Variants in NOC4L observed in about 807,000 individuals in gnomAD.
The protein encoded by NOC4L is nucleolar complex protein 4 homolog.
NOC4L carries 40 observed loss-of-function variants against 62.8 expected under a neutral mutation model. The ratio of observed to expected loss-of-function variants is 0.64; its 90% CI spans 0.49 to 0.83. NOC4L has a LOEUF of 0.83. NOC4L is among the 40% of genes least tolerant of loss of function. NOC4L has a pLI of 0.00. For missense variants in NOC4L, 927 were observed against 701.9 expected (o/e 1.32, Z -3.62); for synonymous variants, 433 against 299.8 (o/e 1.44, Z -4.59).
intron 5 of NOC4L, 22 bp from the exon 6 acceptor site, chr12:132,147,858 G>A (rs772671540): frequency 6.2e-7 from 1 of 1,609,690 alleles, no homozygotes; most frequent in Non-Finnish European, 8.5e-7. Flanking sequence ...CGGCGTCCAG[G>A]CACTCAGGCC....
At position 132,152,318 on chromosome 12, in the gene NOC4L, C is replaced by G. The variant is rs778357766; in HGVS notation, c.1468C>G (p.Pro490Ala). 1 of 1,563,588 alleles carries G rather than the reference C, an allele frequency of 6.4e-7. No homozygotes were observed. Among genetic ancestry groups the G allele is most frequent in the African/African-American group, 1.4e-5 (1 of 73,448 alleles). The change falls in exon 15 of 15, where the codon CCG becomes GCG. Residue 490 changes from proline to alanine, a missense_variant. Transcript: ENST00000330579. ...ERDLKKKGPE[P>A]VPLEFIPAQG... ...GGACCTGAAGAAGAAGGGGCCCGAG[C>G]CGGTGCCACTGGAGTTTATCCCAGC...
intron 10 of NOC4L, 66 bp from the exon 11 acceptor site, chr12:132,151,192 C>T: frequency 6.8e-6 from 10 of 1,476,936 alleles, no homozygotes; most frequent in Non-Finnish European, 7.6e-6. Context: ...CGAGTGAGAC[C>T]CTGGCCTTGG....
intron 3 of NOC4L, chr12:132,146,363 C>T (rs1302840087): frequency 8.8e-6 from 4 of 454,722 alleles, no homozygotes; most frequent in Non-Finnish European, 1.8e-5. Context: ...CGTTCAGCCG[C>T]TCGTAGGTTG....
intron 7 of NOC4L, 150 bp from the exon 8 acceptor site, chr12:132,148,459 T>G (rs1410500294): frequency 3.1e-5 from 27 of 866,918 alleles, no homozygotes; most frequent in Non-Finnish European, 4.1e-5. Context: ...GTACCTGACT[T>G]GAATGGGGAC....
intron 7 of NOC4L, 150 bp downstream of exon 7, chr12:132,148,256 G>T: frequency 1.2e-6 from 1 of 822,796 alleles, no homozygotes; most frequent in Non-Finnish European, 1.9e-6. Flanking sequence ...GTCACTCGAA[G>T]TGTGGGAGGT....
intron 10 of NOC4L, 42 bp downstream of exon 10, chr12:132,151,083 C>A: frequency 1.3e-6 from 2 of 1,562,300 alleles, no homozygotes; most frequent in Admixed American, 1.7e-5. Context: ...CCAGTCTGCC[C>A]AGCCCTGCTC....
rs572231341 is a variant in NOC4L, at chr12:132,144,726, G to C, written c.117+121G>C. ...GCGTTGGGGGGTCAGGGTGGGAGGC[G>C]TGTGGGTCACGGGTCGGGGGTGACG... On this transcript the variant is annotated intron_variant, in intron 1 of 14. Transcript: ENST00000330579. The C allele has an allele frequency of 4.1e-5, 59 of 1,456,676 alleles. No homozygotes were observed. The East Asian group carries it at 1.1e-3, about 28-fold the overall frequency. 90.2% of individuals were successfully genotyped at this position (1,456,676 alleles called of 1,614,324 possible).
Position 132,144,886 on chromosome 12 carries a change from C to G in NOC4L, c.150C>G (p.Val50=). 2.5e-6 allele frequency: 4 copies of G among 1,602,464 alleles called. No homozygotes were observed. The highest frequency in any genetic ancestry group is 3.4e-6 in the Non-Finnish European group (4 of 1,175,988). Residue 50 remains valine (V), a synonymous_variant, in exon 2 of 15, where the codon GTC becomes GTG. Coordinates refer to ENST00000330579, the MANE Select transcript of NOC4L (RefSeq NM_024078.3). ...ACCAGGAGGAGATCCAGGAAGCAGTCCGCACGTGCAGCCGTCTTTTCGGGG... is the reference window on the plus strand; with the variant it reads ...ACCAGGAGGAGATCCAGGAAGCAGTGCGCACGTGCAGCCGTCTTTTCGGGG... The part of the protein sequence containing the change: ...SEDQEEIQEA[V]RTCSRLFGAL...
At position 132,152,205 on chromosome 12, in the gene NOC4L, A is replaced by ACTGGGCCAGGGTGCGAGGGT; in HGVS notation, c.1431+17_1431+36dup. The ACTGGGCCAGGGTGCGAGGGT allele has an allele frequency of 6.2e-7, 1 of 1,610,770 alleles. No homozygotes were observed. The highest frequency in any genetic ancestry group is 8.5e-7 in the Non-Finnish European group (1 of 1,179,228). On this transcript the variant is annotated intron_variant, in intron 14 of 14. Coordinates refer to ENST00000330579, the MANE Select transcript of NOC4L (RefSeq NM_024078.3). ...GAGCTCACGGCCTACGAGGTGCGGA[A>ACTGGGCCAGGGTGCGAGGGT]CTGGGCCAGGGTGCGAGGGTCTGGG... is the stretch of plus-strand genomic sequence containing the variant.
chr12:132,151,224 G>A (rs772672713), intron 10 of NOC4L, 34 bp from the exon 11 acceptor site: 2 of 1,574,598 alleles, frequency 1.3e-6, no homozygotes, highest in Admixed American at 3.3e-5. Flanking sequence ...CCCGGGCCCT[G>A]CTCCATCCGC....
chr12:132,151,033 A>G lies in NOC4L; in HGVS notation c.954A>G (p.Lys318=). The change falls in exon 10 of 15, where the codon AAA becomes AAG. Residue 318 remains lysine (K), a synonymous_variant. Transcript: ENST00000330579. Reference sequence around the variant, plus strand: ...ACGGGCTGTTCATCTTGATTCACAAACACAACCTGTGAGTGTCACCAGGGG... The same window carrying G: ...ACGGGCTGTTCATCTTGATTCACAAGCACAACCTGTGAGTGTCACCAGGGG... ...ALNGLFILIH[K]HNLEYPDFYR... is the part of the protein sequence containing the mutation. 1.2e-6 allele frequency: 2 copies of G among 1,610,936 alleles called. No homozygotes were observed. The highest frequency in any genetic ancestry group is 2.2e-5 in the South Asian group (2 of 90,818).
At chr12:132,151,453 G>A in intron 11 of NOC4L, 31 bp from the exon 12 acceptor site, 1 of 1,599,872 alleles carries the variant, frequency 6.3e-7, no homozygotes, top group Non-Finnish European at 8.5e-7. Context: ...TAGCAGTCCG[G>A]GCCCTGTCTC....
chr12:132,147,950 C>T lies in NOC4L; in HGVS notation c.674C>T (p.Thr225Ile). The T allele has an allele frequency of 6.2e-7, 1 of 1,609,064 alleles. No homozygotes were observed. The highest frequency in any genetic ancestry group is 1.7e-5 in the Admixed American group (1 of 59,346). The change falls in exon 6 of 15, where the codon ACC becomes ATC. Residue 225 changes from threonine (T) to isoleucine (I), a missense_variant. Physicochemically the swap from Thr to Ile is moderately conservative, Grantham distance 89. Coordinates refer to ENST00000330579, the MANE Select transcript of NOC4L (RefSeq NM_024078.3). ...GTGAGCCTGCCCCGCCGGGAGCCCA[C>T]CGTCTCCAGCTTCTATGTGAAGCGG... Reference protein sequence around the residue: ...SAVSLPRREPTVSSFYVKRAE... With the variant: ...SAVSLPRREPIVSSFYVKRAE...
In NOC4L at chr12:132,152,454, A is replaced by C. The variant is rs1873055314; in HGVS notation, c.*53A>C. 6.6e-7 allele frequency: 1 copy of C among 1,516,038 alleles called. No homozygotes were observed. Among genetic ancestry groups the C allele is most frequent in the South Asian group, 1.2e-5 (1 of 80,914 alleles). The allele number at this position is 1,516,038 out of a possible 1,614,324, so 93.9% of individuals were successfully genotyped here. On this transcript the variant is annotated 3_prime_UTR_variant, in exon 15 of 15. Transcript: ENST00000330579. ...GCTGACCCCAGCCCACCTGTGAATAAATGTTTTTGCAGGAGAAAGGCTCAG... is the reference window on the plus strand; with the variant it reads ...GCTGACCCCAGCCCACCTGTGAATACATGTTTTTGCAGGAGAAAGGCTCAG...
chr12:132,148,491 A>G (rs1055122122), intron 7 of NOC4L, 118 bp from the exon 8 acceptor site: 1 of 1,114,196 alleles, frequency 9.0e-7, no homozygotes, highest in South Asian at 1.4e-5. Context: ...AGGCAGGGTC[A>G]GAAAAGTGGA....
chr12:132,151,768 A>G lies in NOC4L; in HGVS notation c.1265A>G (p.Glu422Gly). The G allele has an allele frequency of 1.9e-6, 3 of 1,612,086 alleles. No individual in the cohort carries two copies. Among genetic ancestry groups the G allele is most frequent in the Non-Finnish European group, 2.5e-6 (3 of 1,179,754 alleles). Residue 422 changes from glutamate to glycine, a missense_variant, in exon 13 of 15, where the codon GAG becomes GGG. Glu to Gly is a moderately conservative substitution (Grantham distance 98, BLOSUM62 -2). Transcript: ENST00000330579. ...ELDADPYDPGEEDPAQSRALE... is the reference protein window; with the variant it reads ...ELDADPYDPGGEDPAQSRALE... ...GACGCCGACCCCTACGACCCTGGAGAGGAGGACCCAGCCCAGAGCCGGGCC... is the reference window on the plus strand; with the variant it reads ...GACGCCGACCCCTACGACCCTGGAGGGGAGGACCCAGCCCAGAGCCGGGCC...
chr12:132,147,711 G>C lies in NOC4L; in HGVS notation c.532G>C (p.Asp178His), dbSNP rs775599091. 1 of 1,612,794 alleles carries C rather than the reference G, an allele frequency of 6.2e-7. No individual in the cohort carries two copies. The highest frequency in any genetic ancestry group is 8.5e-7 in the Non-Finnish European group (1 of 1,179,958). Residue 178 changes from aspartate to histidine, a missense_variant, in exon 5 of 15, where the codon GAC (aspartate) becomes CAC (histidine). By Grantham distance (81) the Asp-to-His change is moderately conservative. Coordinates refer to ENST00000330579, the MANE Select transcript of NOC4L (RefSeq NM_024078.3). ...LSQFREYLDYDDTRYHTMQAA... is the reference protein window; with the variant it reads ...LSQFREYLDYHDTRYHTMQAA... The stretch of plus-strand genomic sequence containing the variant: ...CCAGTTCCGGGAGTACCTGGACTAC[G>C]ACGACACCCGCTACCACACCATGCA...
Position 132,144,509 on chromosome 12 carries a change from C to A in NOC4L, c.21C>A (p.Ala7=), listed in dbSNP as rs201538803. ...GCGGCATGGAGCGGGAGCCGGGCGC[C>A]GCGGGAGTTCGCCGGGCTCTGGGCC... is the stretch of plus-strand genomic sequence containing the variant. MEREPG[A]AGVRRALGRR... Residue 7 remains alanine (A), a synonymous_variant, in exon 1 of 15, where the codon GCC becomes GCA. Coordinates refer to ENST00000330579, the MANE Select transcript of NOC4L (RefSeq NM_024078.3). 1 of 1,518,444 alleles carries A rather than the reference C, an allele frequency of 6.6e-7. No individual in the cohort carries two copies. The highest frequency in any genetic ancestry group is 8.7e-7 in the Non-Finnish European group (1 of 1,143,480). 94.1% of individuals were successfully genotyped at this position (1,518,444 alleles called of 1,614,324 possible).
rs749271585 is a variant in NOC4L, at chr12:132,147,373, C to T, written c.438C>T (p.Pro146=). The change falls in exon 4 of 15, where the codon CCC becomes CCT. Residue 146 remains proline (P), a synonymous_variant. Transcript: ENST00000330579. The stretch of plus-strand genomic sequence containing the variant: ...AGTGGGAAGGCAACTACCTGTTCCC[C>T]CGAGAGCTCTTCAAGGTGAGGGCCT... ...KSKWEGNYLF[P]RELFKLVVGG... is the part of the protein sequence containing the mutation. 3.1e-6 allele frequency: 5 copies of T among 1,593,274 alleles called. No homozygotes were observed. The Admixed American group carries it at 5.2e-5, about 17-fold the overall frequency.
Sources: allele counts gnomAD v4.1 joint callset, GRCh38; gene constraint gnomAD v4.1.1; transcripts MANE v1.5; gene names NCBI Gene and HGNC (gene_info 2026-07-23, HGNC 2026-07-21).